Variants in ZFHX3 observed in about 807,000 individuals in gnomAD.
The protein encoded by ZFHX3 is zinc finger homeobox protein 3.
In ZFHX3, 42 loss-of-function variants were observed where a neutral mutation model predicts 279.1. The observed-to-expected ratio is 0.15, with a 90% CI of 0.12 to 0.19. ZFHX3 has a LOEUF of 0.19. Among genes scored for constraint, ZFHX3 ranks in the 10% least tolerant of loss-of-function variants. ZFHX3 has a pLI of 1.00. For missense variants in ZFHX3, 4,981 were observed against 4,754.0 expected (o/e 1.05, Z -1.40); for synonymous variants, 2,293 against 1,957.8 (o/e 1.17, Z -4.52).
intron 4 of ZFHX3, among the ~76,000 whole-genome samples, chr16:72,878,757 C>T (rs1461081909): frequency 6.6e-6 from 1 of 152,160 alleles, no homozygotes; most frequent in South Asian, 2.1e-4. Flanking sequence ...GGGAAGAGCA[C>T]AGCCCTGGGC....
chr16:73,392,691 A>G (rs928915406), intron 3 of ZFHX3, among the ~76,000 whole-genome samples: 5 of 152,174 alleles, frequency 3.3e-5, no homozygotes, highest in Non-Finnish European at 7.3e-5. Flanking sequence ...AATGGACCCC[A>G]TCAATTGATT....
At chr16:72,950,324 C>T (rs1416980649) in intron 3 of ZFHX3, 145 bp downstream of exon 3, 2 of 1,267,166 alleles carry the variant, frequency 1.6e-6, no homozygotes, top group Non-Finnish European at 2.2e-6. Flanking sequence ...ACCGCCGACT[C>T]TCCTCTCAAC....
At chr16:73,138,950 C>G (rs1352724708) in intron 6 of ZFHX3, among the ~76,000 whole-genome samples, 2 of 152,188 alleles carry the variant, frequency 1.3e-5, no homozygotes, top group African/African-American at 4.8e-5. Context: ...CTCGGCCTCC[C>G]AAAGGGCTGG....
chr16:73,483,355 G>A (rs1597353272), intron 2 of ZFHX3: 1 of 450,788 alleles, frequency 2.2e-6, no homozygotes, highest in Non-Finnish European at 4.5e-6. Context: ...GAGAGAAAGA[G>A]AGAGAGAGAG....
At chr16:73,238,219 A>G (rs2013012601) in intron 5 of ZFHX3, among the ~76,000 whole-genome samples, 1 of 152,148 alleles carries the variant, frequency 6.6e-6, no homozygotes, top group South Asian at 2.1e-4. Flanking sequence ...GCCACCTTCT[A>G]TTCTTAACTG....
intron 5 of ZFHX3, among the ~76,000 whole-genome samples, chr16:73,190,162 C>T (rs554581825): frequency 1.7e-4 from 26 of 152,284 alleles, no homozygotes; most frequent in East Asian, 3.9e-4. Context: ...CCTTAAGGAA[C>T]GCACCTTTGG....
intron 5 of ZFHX3, among the ~76,000 whole-genome samples, chr16:73,205,460 T>C (rs2011762966): frequency 6.6e-6 from 1 of 152,200 alleles, no homozygotes; most frequent in African/African-American, 2.4e-5. Flanking sequence ...GTAAATTATC[T>C]GCAAGATTGA....
At chr16:73,716,434 G>C (rs927866367) in intron 1 of ZFHX3, among the ~76,000 whole-genome samples, 6 of 152,064 alleles carry the variant, frequency 3.9e-5, no homozygotes, top group African/African-American at 1.4e-4. Context: ...CCAGGAAATC[G>C]CAATTAAAAA....
At chr16:73,532,002 G>T (rs2019812647) in intron 2 of ZFHX3, among the ~76,000 whole-genome samples, 1 of 151,794 alleles carries the variant, frequency 6.6e-6, no homozygotes, top group South Asian at 2.1e-4. Flanking sequence ...GTGGGAAAAT[G>T]GCCTGAGCCC....
intron 3 of ZFHX3, among the ~76,000 whole-genome samples, chr16:73,444,779 C>T (rs1209884126): frequency 6.6e-6 from 1 of 152,120 alleles, no homozygotes; most frequent in Non-Finnish European, 1.5e-5. Flanking sequence ...CAACACCATG[C>T]ATGTTTATTC....
chr16:73,462,839 G>T (rs1485685085), intron 2 of ZFHX3, among the ~76,000 whole-genome samples: 1 of 151,910 alleles, frequency 6.6e-6, no homozygotes, highest in Non-Finnish European at 1.5e-5. Context: ...AAAGATTTTT[G>T]CCTCTATGTT....
chr16:73,610,288 C>T (rs1390423199), intron 2 of ZFHX3, among the ~76,000 whole-genome samples: 1 of 152,150 alleles, frequency 6.6e-6, no homozygotes, highest in East Asian at 1.9e-4. Context: ...GAATGAAAAT[C>T]TGACGCAATC....
At chr16:73,118,029 C>A (rs935278465) in intron 7 of ZFHX3, among the ~76,000 whole-genome samples, 6 of 152,152 alleles carry the variant, frequency 3.9e-5, no homozygotes, top group Non-Finnish European at 8.8e-5. Flanking sequence ...TAAGACACCC[C>A]CAAAATCACA....
chr16:73,205,019 C>T (rs538305918), intron 5 of ZFHX3, among the ~76,000 whole-genome samples: 4 of 152,270 alleles, frequency 2.6e-5, no homozygotes, highest in East Asian at 3.9e-4. Flanking sequence ...GTGATTTCCT[C>T]TCTGGGCTGC....
intron 2 of ZFHX3, among the ~76,000 whole-genome samples, chr16:73,546,758 C>A (rs2020120920): frequency 6.7e-6 from 1 of 150,092 alleles, no homozygotes; most frequent in South Asian, 2.1e-4. Flanking sequence ...TCGGCTTCTT[C>A]TTCTCCTTTT....
chr16:73,549,347 A>ATT (rs1438445366), intron 2 of ZFHX3, among the ~76,000 whole-genome samples: 1 of 152,102 alleles, frequency 6.6e-6, no homozygotes, highest in Non-Finnish European at 1.5e-5. Flanking sequence ...TATTTTTCAT[A>ATT]TATATTTTTA....
At chr16:72,825,410 T>A (rs1285678223) in intron 5 of ZFHX3, among the ~76,000 whole-genome samples, 1 of 152,216 alleles carries the variant, frequency 6.6e-6, no homozygotes, top group African/African-American at 2.4e-5. Context: ...CTCTGAGAGA[T>A]GGTATATTGG....
intron 1 of ZFHX3, among the ~76,000 whole-genome samples, chr16:73,692,203 A>T (rs2142208230): frequency 6.6e-6 from 1 of 152,240 alleles, no homozygotes; most frequent in Middle Eastern, 3.4e-3. Flanking sequence ...CACTTCTAAT[A>T]AATAGATTGA....
intron 2 of ZFHX3, among the ~76,000 whole-genome samples, chr16:73,523,285 G>C (rs186655061): frequency 6.6e-6 from 1 of 152,306 alleles, no homozygotes; most frequent in African/African-American, 2.4e-5. Context: ...GCACCTGCTT[G>C]GTACAATGAG....
Sources: gnomAD v4.1 joint callset for allele counts (sites outside exome capture counted in the v4.1 genomes callset) on GRCh38, gnomAD v4.1.1 for gene constraint, MANE v1.5 for transcripts, NCBI Gene and HGNC (gene_info 2026-07-23, HGNC 2026-07-21) for gene names.